ZNF793: variants seen among roughly 807,000 people sequenced by gnomAD.
ZNF793 encodes zinc finger protein 793.
Under a neutral mutation model 12.4 loss-of-function variants are expected in ZNF793, and 5 were observed. The observed-to-expected ratio is 0.40, with a 90% confidence interval of 0.21 to 0.84. ZNF793 has a LOEUF of 0.84. Ranked by LOEUF, ZNF793 falls within the 40% of genes least tolerant of loss-of-function variation. ZNF793 has a pLI of 0.35. For missense variants in ZNF793, 456 were observed against 495.0 expected, an observed-to-expected ratio of 0.92 and a Z score of 0.75; for synonymous variants, 162 against 172.4, an observed-to-expected ratio of 0.94 and a Z score of 0.47.
intron 2 of ZNF793, 57 bp from the exon 3 acceptor site, chr19:37,520,127 G>A (rs1388029010): frequency 6.6e-6 from 1 of 152,656 alleles, no homozygotes; most frequent in African/African-American, 2.4e-5. Flanking sequence ...TGAGGCCCCA[G>A]GCAGTGTTTG....
intron 2 of ZNF793, among the ~76,000 whole-genome samples, chr19:37,516,491 A>G (rs971666687): frequency 1.3e-5 from 2 of 151,934 alleles, no homozygotes; most frequent in Non-Finnish European, 2.9e-5. Context: ...TCTATATGGT[A>G]AAATATGGCT....
rs990232021 is a variant in ZNF793 at position 37,539,589 on chromosome 19, T to C, written c.*1710T>C. 6 of 152,218 alleles carry C rather than the reference T, an allele frequency of 3.9e-5. No homozygotes were observed. The highest frequency in any genetic ancestry group is 1.4e-4 in the African/African-American group (6 of 41,468). 9.4% of individuals were successfully genotyped at this position (152,218 alleles called of 1,614,324 possible). A position where few individuals can be genotyped will look rare whatever the true frequency, so the allele number is the denominator to read the frequency against. ...CTACATTTTTCAAGATTTCCCTCCA[T>C]GTAAGACTGCCTGATCCAGAATGAG... On this transcript the variant is annotated 3_prime_UTR_variant, in exon 8 of 8. Coordinates refer to ENST00000627814, the MANE Select transcript of ZNF793 (RefSeq NM_001013659.3).
chr19:37,510,792 G>T (rs1197225658), intron 2 of ZNF793, among the ~76,000 whole-genome samples: 2 of 151,646 alleles, frequency 1.3e-5, no homozygotes, highest in African/African-American at 4.8e-5. Context: ...TGCCTCCCAG[G>T]TTCACACCAG....
At chr19:37,508,004 T>C (rs2042264325) in intron 1 of ZNF793, among the ~76,000 whole-genome samples, 1 of 152,110 alleles carries the variant, frequency 6.6e-6, no homozygotes, top group African/African-American at 2.4e-5. Context: ...AAATCACAGA[T>C]TTGAGGCTGC....
intron 2 of ZNF793, among the ~76,000 whole-genome samples, chr19:37,511,484 A>G (rs1231159581): frequency 1.3e-5 from 2 of 152,124 alleles, no homozygotes; most frequent in African/African-American, 4.8e-5. Flanking sequence ...CAGCCTGGCC[A>G]ACACAGTGAA....
intron 2 of ZNF793, among the ~76,000 whole-genome samples, chr19:37,511,343 A>C (rs1444943923): frequency 1.3e-5 from 2 of 152,212 alleles, no homozygotes; most frequent in Non-Finnish European, 2.9e-5. Flanking sequence ...ACCATGAGGT[A>C]ATTTTGTTTG....
intron 7 of ZNF793, 44 bp from the exon 8 acceptor site, chr19:37,536,853 G>A: frequency 6.5e-7 from 1 of 1,540,522 alleles, no homozygotes; most frequent in Non-Finnish European, 8.7e-7. Context: ...CATTTCTTAA[G>A]TAGTATGAAG....
chr19:37,521,188 C>T (rs1349548239), intron 3 of ZNF793, among the ~76,000 whole-genome samples: 2 of 152,088 alleles, frequency 1.3e-5, no homozygotes, highest in Middle Eastern at 3.4e-3. Context: ...GGGGTTTCAC[C>T]GTGTTAGCCA....
rs192851002 is a variant in ZNF793 at position 37,538,150 on chromosome 19, T to C, written c.*271T>C. 3,311 of 319,196 alleles carry C rather than the reference T, an allele frequency of 0.01. 31 individuals are homozygous for C. The highest frequency in any genetic ancestry group is 0.015 in the Non-Finnish European group (2,643 of 173,588). The allele number at this position is 319,196 out of a possible 1,614,324, so 19.8% of individuals were successfully genotyped here. ...CAGGATGGTCTCGATCTCCTGACCT[T>C]GTGATCTGCCCGCCTTGTCCTCCCA... On this transcript the variant is annotated 3_prime_UTR_variant, in exon 8 of 8. Transcript: ENST00000627814.
chr19:37,508,797 A>G (rs2042271341), intron 2 of ZNF793, among the ~76,000 whole-genome samples: 1 of 152,244 alleles, frequency 6.6e-6, no homozygotes, highest in Admixed American at 6.5e-5. Flanking sequence ...TTTAGAAAAT[A>G]CTTTTATCTA....
At chr19:37,525,499 C>T (rs1158074764) in intron 5 of ZNF793, among the ~76,000 whole-genome samples, 2 of 143,130 alleles carry the variant, frequency 1.4e-5, no homozygotes, top group Admixed American at 7.3e-5. Flanking sequence ...TGCAGTGGCA[C>T]GATCTCGGCT....
In ZNF793 at chr19:37,528,490, C is replaced by T. The variant is rs148789147; in HGVS notation, c.16-3866C>T. On this transcript the variant is annotated intron_variant, in intron 5 of 7. Coordinates refer to ENST00000627814, the MANE Select transcript of ZNF793 (RefSeq NM_001013659.3). Reference sequence around the variant, plus strand: ...GTGTGGCCCAAGACCACTAGGTAAACAAGGACACTCTTAGGACATTCCAAG... The same window carrying T: ...GTGTGGCCCAAGACCACTAGGTAAATAAGGACACTCTTAGGACATTCCAAG... Among the ~76,000 whole-genome samples, 365 of 152,156 alleles carry T rather than the reference C, an allele frequency of 2.4e-3. 4 individuals carry two copies. Among genetic ancestry groups the T allele is most frequent in the African/African-American group, 8.3e-3 (346 of 41,516 alleles).
intron 5 of ZNF793, among the ~76,000 whole-genome samples, chr19:37,530,331 C>T (rs928593935): frequency 7.2e-5 from 11 of 152,288 alleles, no homozygotes; most frequent in African/African-American, 2.6e-4. Context: ...TTATACTAAT[C>T]CTCCTCAGCA....
chr19:37,532,425 C>G lies in ZNF793; in HGVS notation c.85C>G (p.Gln29Glu). 2 of 1,614,086 alleles carry G rather than the reference C, an allele frequency of 1.2e-6. No homozygotes were observed. The highest frequency in any genetic ancestry group is 1.7e-6 in the Non-Finnish European group (2 of 1,179,990). Residue 29 changes from glutamine to glutamate, a missense_variant, in exon 6 of 8, where the codon CAG (glutamine) becomes GAG (glutamate). Coordinates refer to ENST00000627814, the MANE Select transcript of ZNF793 (RefSeq NM_001013659.3). Reference sequence around the variant, plus strand: ...GGAGTGGCACCGGCTGAGTCCTGCTCAGAGGGCCCTGTACCGGGATGTGAT... The same window carrying G: ...GGAGTGGCACCGGCTGAGTCCTGCTGAGAGGGCCCTGTACCGGGATGTGAT... ...QEEWHRLSPAQRALYRDVMLE... is the reference protein window; with the variant it reads ...QEEWHRLSPAERALYRDVMLE...
At chr19:37,530,171 T>C (rs1395272330) in intron 5 of ZNF793, among the ~76,000 whole-genome samples, 1 of 152,234 alleles carries the variant, frequency 6.6e-6, no homozygotes, top group Admixed American at 6.5e-5. Flanking sequence ...GTTGCCCGCA[T>C]GTCCCACCTC....
In ZNF793 at chr19:37,537,154, T is replaced by A. The variant is rs1568327213; in HGVS notation, c.496T>A (p.Cys166Ser). Residue 166 changes from cysteine (C) to serine (S), a missense_variant, in exon 8 of 8, where the codon TGT becomes AGT. Cys to Ser is a moderately radical substitution (Grantham distance 112, BLOSUM62 -1). Coordinates refer to ENST00000627814, the MANE Select transcript of ZNF793 (RefSeq NM_001013659.3). The part of the protein sequence containing the change: ...KRNCAKKQDE[C>S]YAYGKLLQRI... ...AAACTGTGCAAAAAAGCAAGATGAG[T>A]GTTATGCTTATGGGAAATTGCTTCA... The A allele has an allele frequency of 6.2e-7, 1 of 1,613,452 alleles. No homozygotes were observed. Among genetic ancestry groups the A allele is most frequent in the Non-Finnish European group, 8.5e-7 (1 of 1,179,630 alleles).
intron 6 of ZNF793, among the ~76,000 whole-genome samples, chr19:37,532,808 A>C (rs2042472765): frequency 6.6e-6 from 1 of 152,158 alleles, no homozygotes. Context: ...AACAAGAGCG[A>C]AACTGTCTCA....
chr19:37,507,526 T>C (rs1468835283), intron 1 of ZNF793, among the ~76,000 whole-genome samples: 2 of 152,144 alleles, frequency 1.3e-5, no homozygotes, highest in African/African-American at 4.8e-5. Context: ...GAGAAATGTT[T>C]TGGGCCATCG....
intron 5 of ZNF793, among the ~76,000 whole-genome samples, chr19:37,531,592 A>T (rs929399308): frequency 6.6e-6 from 1 of 152,198 alleles, no homozygotes; most frequent in Admixed American, 6.5e-5. Context: ...CCTGCATAGA[A>T]TGCAGTTTTC....
Sources: allele counts gnomAD v4.1 joint callset (sites outside exome capture counted in the v4.1 genomes callset), GRCh38; gene constraint gnomAD v4.1.1; transcripts MANE v1.5; gene names NCBI Gene and HGNC (gene_info 2026-07-23, HGNC 2026-07-21).